Variants in RASGRP3 observed in about 807,000 individuals in gnomAD.
RASGRP3 encodes RAS guanyl releasing protein 3, also known as ras guanyl-releasing protein 3.
A neutral mutation model predicts 82.7 loss-of-function variants in RASGRP3; 54 were observed. The ratio of observed to expected loss-of-function variants is 0.65; its 90% CI spans 0.52 to 0.82. RASGRP3 has a LOEUF of 0.82. RASGRP3 is among the 40% of genes least tolerant of loss of function. The pLI is 0.00. For synonymous variants in RASGRP3, 309 were observed against 300.5 expected, an observed-to-expected ratio of 1.03 and a Z score of -0.29; for missense variants, 861 against 828.9, an observed-to-expected ratio of 1.04 and a Z score of -0.48.
intron 1 of RASGRP3, among the ~76,000 whole-genome samples, chr2:33,494,689 A>G (rs2150965894): frequency 6.6e-6 from 1 of 152,346 alleles, no homozygotes; most frequent in Non-Finnish European, 1.5e-5. Context: ...AGCCCAACGT[A>G]CATTCTAGTT....
upstream of RASGRP3, among the ~76,000 whole-genome samples, chr2:33,472,810 C>CA (rs1667135690): frequency 7.0e-6 from 1 of 142,892 alleles, no homozygotes; most frequent in Non-Finnish European, 1.5e-5. Context: ...TGAAAATTGC[C>CA]GGGCGCGGTG....
intron 13 of RASGRP3, among the ~76,000 whole-genome samples, chr2:33,544,447 G>A (rs1408160067): frequency 6.6e-6 from 1 of 151,736 alleles, no homozygotes; most frequent in Non-Finnish European, 1.5e-5. Flanking sequence ...TTGCTTTTTA[G>A]CGTCAAATGA....
chr2:33,467,978 CTTTTTCTTTCTT>C (rs1363296602), intron 2 of RASGRP3, among the ~76,000 whole-genome samples: 6,106 of 140,858 alleles, frequency 0.043, 195 homozygotes, highest in Middle Eastern at 0.098. Context: ...GATGGTGAGG[CTTTTTCTTTCTT>C]TCTTTCTTTC....
chr2:33,495,592 G>A (rs1669236213), intron 1 of RASGRP3, among the ~76,000 whole-genome samples: 1 of 152,112 alleles, frequency 6.6e-6, no homozygotes, highest in African/African-American at 2.4e-5. Flanking sequence ...AAATGAATTA[G>A]GAATAAGAAA....
intron 2 of RASGRP3, among the ~76,000 whole-genome samples, chr2:33,466,447 G>A (rs1414622009): frequency 6.6e-6 from 1 of 152,146 alleles, no homozygotes; most frequent in Non-Finnish European, 1.5e-5. Context: ...GGGAGGCCGA[G>A]GCGGACAGAT....
chr2:33,560,965 C>T (rs549519132), intron 17 of RASGRP3, among the ~76,000 whole-genome samples: 1 of 152,112 alleles, frequency 6.6e-6, no homozygotes, highest in Non-Finnish European at 1.5e-5. Flanking sequence ...GAAATATAAA[C>T]AAGTATCTGG....
At chr2:33,450,942 A>G (rs1665765667) in intron 2 of RASGRP3, among the ~76,000 whole-genome samples, 1 of 144,576 alleles carries the variant, frequency 6.9e-6, no homozygotes, top group Non-Finnish European at 1.5e-5. Flanking sequence ...GGTTCACAGC[A>G]TTCTCCTGCC....
intron 2 of RASGRP3, among the ~76,000 whole-genome samples, chr2:33,456,528 A>T (rs1469499783): frequency 6.6e-6 from 1 of 152,220 alleles, no homozygotes; most frequent in Non-Finnish European, 1.5e-5. Context: ...TGAATAGCAT[A>T]AAGACCTTAG....
intron 1 of RASGRP3, among the ~76,000 whole-genome samples, chr2:33,479,363 G>GC (rs1239829680): frequency 6.6e-6 from 1 of 152,106 alleles, no homozygotes; most frequent in Non-Finnish European, 1.5e-5. Flanking sequence ...GCCCCTTCTG[G>GC]CCTTTCCCTC....
intron 1 of RASGRP3, among the ~76,000 whole-genome samples, chr2:33,443,951 T>A: frequency 6.6e-6 from 1 of 152,116 alleles, no homozygotes; most frequent in East Asian, 1.9e-4. Context: ...TCATTTTACA[T>A]TTCCTAGTGA....
rs1176495765 is a variant in RASGRP3 at position 33,539,391 on chromosome 2, G to C, written c.1278+181G>C. Reference sequence around the variant, plus strand: ...GTCCTGGGGAGAGTCGATCAGAAAGGCCCTTTTCCCTTTGTTGTCTCTCTT... The same window carrying C: ...GTCCTGGGGAGAGTCGATCAGAAAGCCCCTTTTCCCTTTGTTGTCTCTCTT... On this transcript the variant is annotated intron_variant, in intron 12 of 17. Coordinates refer to ENST00000403687, the MANE Select transcript of RASGRP3 (RefSeq NM_001139488.2). The C allele has an allele frequency of 1.5e-5, 8 of 544,696 alleles. No individual in the cohort carries two copies. The East Asian group carries it at 2.4e-4, about 16-fold the overall frequency. The allele number at this position is 544,696 out of a possible 1,614,324, so 33.7% of individuals were successfully genotyped here.
chr2:33,441,464 A>G (rs571182445), intron 1 of RASGRP3, among the ~76,000 whole-genome samples: 3 of 152,244 alleles, frequency 2.0e-5, no homozygotes, highest in Admixed American at 6.5e-5. Context: ...GCCCAGAGAC[A>G]GCAGAGCCAG....
Position 33,519,951 on chromosome 2 carries a change from C to T in RASGRP3, c.174-1C>T, listed in dbSNP as rs576391331. On this transcript the variant is annotated splice_acceptor_variant, in intron 4 of 17. Transcript: ENST00000403687. LOFTEE classifies it high-confidence loss of function. ...GGATTTTTTTTCTTTAACTGGTTTA[C>T]GTATCGAAATGCCACTGGAGAAAGC... The T allele has an allele frequency of 7.5e-6, 12 of 1,607,552 alleles. No individual in the cohort carries two copies. The highest frequency in any genetic ancestry group is 1.3e-5 in the African/African-American group (1 of 74,940).
chr2:33,470,371 T>C (rs989437602), intron 2 of RASGRP3, among the ~76,000 whole-genome samples: 1 of 136,352 alleles, frequency 7.3e-6, no homozygotes, highest in Non-Finnish European at 1.5e-5. Context: ...AATAATACTA[T>C]AACTAAGAAT....
At chr2:33,457,564 C>T (rs1666107307) in intron 2 of RASGRP3, among the ~76,000 whole-genome samples, 1 of 151,348 alleles carries the variant, frequency 6.6e-6, no homozygotes, top group African/African-American at 2.4e-5. Flanking sequence ...TTTTAGGTTC[C>T]TTCCTTCCTT....
intron 5 of RASGRP3, among the ~76,000 whole-genome samples, chr2:33,520,216 T>A (rs1341075765): frequency 6.6e-6 from 1 of 152,138 alleles, no homozygotes; most frequent in African/African-American, 2.4e-5. Flanking sequence ...TAGTAGTAAA[T>A]GTGATTACGG....
chr2:33,472,870 C>CAA (rs57159320), upstream of RASGRP3, among the ~76,000 whole-genome samples: 2,407 of 67,996 alleles, frequency 0.035, 138 homozygotes, highest in African/African-American at 0.12. Context: ...GACTCCGTCT[C>CAA]AAAAAAAAAA....
chr2:33,511,747 A>T lies in RASGRP3; in HGVS notation c.-223A>T, dbSNP rs917017104. On this transcript the variant is annotated 5_prime_UTR_variant, in exon 2 of 18. Transcript: ENST00000403687. ...ACTTATCATTCAGGTTGAATAAACCAGTTCTACAGACTGCTTCTTCCATGC... is the reference window on the plus strand; with the variant it reads ...ACTTATCATTCAGGTTGAATAAACCTGTTCTACAGACTGCTTCTTCCATGC... 6.5e-6 allele frequency: 1 copy of T among 152,676 alleles called. No homozygotes were observed. Among genetic ancestry groups the T allele is most frequent in the Non-Finnish European group, 1.5e-5 (1 of 68,048 alleles). 9.5% of individuals were successfully genotyped at this position (152,676 alleles called of 1,614,324 possible). A position where few individuals can be genotyped will look rare whatever the true frequency, so the allele number is the denominator to read the frequency against.
Position 33,519,905 on chromosome 2 carries a change from T to C in RASGRP3, c.174-47T>C, listed in dbSNP as rs113430585. 1.9e-4 allele frequency: 261 copies of C among 1,397,538 alleles called. 1 individual carries two copies. In the African/African-American group the frequency reaches 3.3e-3, roughly 18 times the overall value. 86.6% of individuals were successfully genotyped at this position (1,397,538 alleles called of 1,614,324 possible). ...CATTGAGGGCACAGCTGCAGGGGTG[T>C]GCAAAGGAAAGGAGGTGCAAGGATT... On this transcript the variant is annotated intron_variant, in intron 4 of 17. Transcript: ENST00000403687.
Sources: gnomAD v4.1 joint callset for allele counts (sites outside exome capture counted in the v4.1 genomes callset) on GRCh38, gnomAD v4.1.1 for gene constraint, MANE v1.5 for transcripts, NCBI Gene and HGNC (gene_info 2026-07-23, HGNC 2026-07-21) for gene names.